Variants in HLCS observed in about 807,000 individuals in gnomAD.
The protein encoded by HLCS is holocarboxylase synthetase, also known as biotin--protein ligase.
A neutral mutation model predicts 75.0 loss-of-function variants in HLCS; 53 were observed. The observed-to-expected ratio is 0.71, with a 90% CI of 0.57 to 0.89. The LOEUF (loss-of-function observed/expected upper bound fraction) is 0.89, where lower values mean the gene tolerates loss of function less well. HLCS is among the 40% of genes least tolerant of loss of function. The pLI, the probability that HLCS is intolerant of heterozygous loss-of-function variation, is 0.00. For missense variants in HLCS, 966 were observed against 1,074.0 expected, an observed-to-expected ratio of 0.90 and a Z score of 1.41; for synonymous variants, 431 against 428.6, an observed-to-expected ratio of 1.01 and a Z score of -0.07.
At chr21:36,982,044 A>C (rs2069132252) in intron 1 of HLCS, among the ~76,000 whole-genome samples, 1 of 152,164 alleles carries the variant, frequency 6.6e-6, no homozygotes, top group African/African-American at 2.4e-5. Flanking sequence ...TTCTCATAAC[A>C]CAAGAGCTGA....
At chr21:36,781,389 A>G (rs1423991506) in intron 6 of HLCS, among the ~76,000 whole-genome samples, 1 of 152,022 alleles carries the variant, frequency 6.6e-6, no homozygotes, top group Admixed American at 6.5e-5. Flanking sequence ...GATGACTTAC[A>G]TTTGTTCAAA....
At chr21:36,901,555 C>A (rs141807857) in intron 5 of HLCS, among the ~76,000 whole-genome samples, 2 of 152,318 alleles carry the variant, frequency 1.3e-5, no homozygotes, top group East Asian at 1.9e-4. Flanking sequence ...CGGGGCCGTG[C>A]CTCCTGGGAA....
chr21:36,962,200 T>TAC (rs2068334803), intron 1 of HLCS, 30 bp from the exon 2 acceptor site: 1 of 895,332 alleles, frequency 1.1e-6, no homozygotes, highest in African/African-American at 1.7e-5. Context: ...TATAATGAGA[T>TAC]TGTCACTTCA....
chr21:36,872,514 C>T (rs1462446516), intron 6 of HLCS, among the ~76,000 whole-genome samples: 3 of 152,118 alleles, frequency 2.0e-5, no homozygotes, highest in Admixed American at 6.5e-5. Context: ...TGTACACCAC[C>T]GCCAATCCCA....
chr21:36,829,305 G>A (rs1317566353), intron 6 of HLCS, among the ~76,000 whole-genome samples: 3 of 151,982 alleles, frequency 2.0e-5, no homozygotes, highest in African/African-American at 7.2e-5. Flanking sequence ...CTGCTTCCCC[G>A]CCCACCTCTG....
chr21:36,947,706 C>G lies in HLCS; in HGVS notation c.331-8712G>C, dbSNP rs13047776. 537,760 of 984,528 alleles carry G rather than the reference C, an allele frequency of 0.55. 149,440 individuals carry two copies. Among genetic ancestry groups the G allele is most frequent in the East Asian group, 0.64 (5,610 of 8,736 alleles). The allele number at this position is 984,528 out of a possible 1,614,324, so 61.0% of individuals were successfully genotyped here. A position where few individuals can be genotyped will look rare whatever the true frequency, so the allele number is the denominator to read the frequency against. ...TGGCAGCAGGCAAGGCATATCTTCTCTGCTCAACTTAAAACTCACATCCAA... is the reference window on the plus strand; with the variant it reads ...TGGCAGCAGGCAAGGCATATCTTCTGTGCTCAACTTAAAACTCACATCCAA... On this transcript the variant is annotated intron_variant, in intron 2 of 10. Coordinates refer to ENST00000674895, the MANE Select transcript of HLCS (RefSeq NM_001352514.2).
chr21:36,973,238 T>TC (rs1469311127), intron 1 of HLCS, among the ~76,000 whole-genome samples: 5 of 148,924 alleles, frequency 3.4e-5, no homozygotes, highest in Admixed American at 2.0e-4. Flanking sequence ...TTTTTTTTTT[T>TC]TTTTTTTTTT....
intron 6 of HLCS, among the ~76,000 whole-genome samples, chr21:36,811,080 G>GA (rs2061496437): frequency 1.0e-5 from 1 of 96,826 alleles, no homozygotes; most frequent in Non-Finnish European, 2.4e-5. Flanking sequence ...TGTACAACAC[G>GA]TTTTGAAGTA....
chr21:36,900,446 T>C (rs2065189960), intron 5 of HLCS, among the ~76,000 whole-genome samples: 1 of 151,778 alleles, frequency 6.6e-6, no homozygotes, highest in South Asian at 2.1e-4. Flanking sequence ...GAAGGTGGAG[T>C]GCCGGGGCCA....
chr21:36,846,611 G>C (rs1049215059), intron 6 of HLCS, among the ~76,000 whole-genome samples: 3 of 152,188 alleles, frequency 2.0e-5, no homozygotes, highest in Admixed American at 2.0e-4. Context: ...GAATCCTTGA[G>C]GCAGCAGAAT....
At chr21:36,926,526 ATAAC>A (rs2066413985) in intron 5 of HLCS, among the ~76,000 whole-genome samples, 3 of 152,202 alleles carry the variant, frequency 2.0e-5, no homozygotes. Context: ...TTAGTTTTTA[ATAAC>A]TAATTTGGCT....
chr21:36,985,506 G>A (rs958659067), intron 1 of HLCS, among the ~76,000 whole-genome samples: 34 of 152,244 alleles, frequency 2.2e-4, no homozygotes, highest in Admixed American at 1.2e-3. Context: ...GGTGGCTCAC[G>A]CCTGTAATCC....
intron 6 of HLCS, among the ~76,000 whole-genome samples, chr21:36,819,467 A>T (rs1354267046): frequency 6.6e-6 from 1 of 152,260 alleles, no homozygotes; most frequent in African/African-American, 2.4e-5. Context: ...TTTCGTTTTC[A>T]CATCAGCATC....
chr21:36,879,987 C>T (rs1387540899), intron 6 of HLCS, among the ~76,000 whole-genome samples: 1 of 151,788 alleles, frequency 6.6e-6, no homozygotes, highest in Non-Finnish European at 1.5e-5. Context: ...GTATCTGGTG[C>T]TCAGACACAT....
intron 6 of HLCS, among the ~76,000 whole-genome samples, chr21:36,874,085 A>C (rs1601588509): frequency 6.6e-6 from 1 of 152,224 alleles, no homozygotes; most frequent in African/African-American, 2.4e-5. Flanking sequence ...TATGAGGTGA[A>C]GTACAGCACA....
At chr21:36,851,499 T>C (rs149790239) in intron 6 of HLCS, among the ~76,000 whole-genome samples, 3 of 152,228 alleles carry the variant, frequency 2.0e-5, no homozygotes, top group Non-Finnish European at 4.4e-5. Flanking sequence ...CTCATGTTGA[T>C]GGATGGTCAT....
intron 6 of HLCS, among the ~76,000 whole-genome samples, chr21:36,804,515 C>G (rs2061308215): frequency 6.6e-6 from 1 of 152,160 alleles, no homozygotes; most frequent in Admixed American, 6.5e-5. Context: ...CCACCATGAC[C>G]TAGGTAGCTG....
intron 1 of HLCS, among the ~76,000 whole-genome samples, chr21:36,979,374 G>A (rs943008859): frequency 2.6e-5 from 4 of 152,050 alleles, no homozygotes; most frequent in Non-Finnish European, 5.9e-5. Context: ...AAAGACTATG[G>A]TGGGAGAAGG....
At chr21:36,861,210 G>A (rs1031212831) in intron 6 of HLCS, among the ~76,000 whole-genome samples, 2 of 152,006 alleles carry the variant, frequency 1.3e-5, no homozygotes, top group East Asian at 1.9e-4. Flanking sequence ...AGGCAACCAC[G>A]AGAAAAATTC....
Sources: gnomAD v4.1 joint callset for allele counts (sites outside exome capture counted in the v4.1 genomes callset) on GRCh38, gnomAD v4.1.1 for gene constraint, MANE v1.5 for transcripts, NCBI Gene and HGNC (gene_info 2026-07-23, HGNC 2026-07-21) for gene names.